Variants in HYAL4 observed in about 807,000 individuals in gnomAD.
The protein encoded by HYAL4 is hyaluronidase 4.
HYAL4 carries 37 observed loss-of-function variants against 35.2 expected under a neutral mutation model. That is an observed-to-expected ratio of 1.05 (90% CI 0.81 to 1.38). The LOEUF (loss-of-function observed/expected upper bound fraction) is 1.38. Among genes scored for constraint, HYAL4 ranks in the 40% most tolerant of loss-of-function variants. The pLI, the probability that HYAL4 is intolerant of heterozygous loss-of-function variation, is 0.00. For missense variants in HYAL4, 572 were observed against 572.4 expected (o/e 1.00, Z 0.01); for synonymous variants, 198 against 203.2 (o/e 0.97, Z 0.22).
rs746060778 is a variant in HYAL4, at chr7:123,869,242, G to T, written c.954+15G>T. 113 of 1,503,428 alleles carry T rather than the reference G, an allele frequency of 7.5e-5. No homozygotes were observed. Among genetic ancestry groups the T allele is most frequent in the Non-Finnish European group, 2.5e-5 (28 of 1,106,424 alleles). The allele number at this position is 1,503,428 out of a possible 1,614,324, so 93.1% of individuals were successfully genotyped here. ...TCCTTTCTAAGGTAAGAAGCTTCTT[G>T]TCCAATGGTGGGGGATTTCCTCCTT... On this transcript the variant is annotated intron_variant, in intron 3 of 4. Coordinates refer to ENST00000223026, the MANE Select transcript of HYAL4 (RefSeq NM_012269.3).
chr7:123,796,278 G>A, the HYAL4 span, among the ~76,000 whole-genome samples: 1 of 152,242 alleles, frequency 6.6e-6, no homozygotes, highest in Middle Eastern at 3.4e-3. Flanking sequence ...GGCCAAACCT[G>A]AGACAATTCC....
chr7:123,841,395 T>G (rs1806056548), upstream of HYAL4, among the ~76,000 whole-genome samples: 1 of 152,022 alleles, frequency 6.6e-6, no homozygotes, highest in African/African-American at 2.4e-5. Flanking sequence ...TTTGCCAGTA[T>G]TTTATTGAGG....
At position 123,854,612 on chromosome 7, in the gene HYAL4, G is replaced by A. The variant is rs371950363; in HGVS notation, c.-52+6454G>A. ...TGTTTCTTATGATTTATGTTCTTTT[G>A]CATTTGCTGAGGAATGTTTTACTTC... On this transcript the variant is annotated intron_variant, in intron 2 of 4. Coordinates refer to ENST00000223026, the MANE Select transcript of HYAL4 (RefSeq NM_012269.3). Among the ~76,000 whole-genome samples the A allele has an allele frequency of 3.9e-5, 6 of 152,126 alleles. No individual in the cohort carries two copies. In the East Asian group the frequency reaches 9.7e-4, roughly 25 times the overall value.
At chr7:123,853,754 G>A (rs1489333537) in intron 2 of HYAL4, among the ~76,000 whole-genome samples, 1 of 152,152 alleles carries the variant, frequency 6.6e-6, no homozygotes, top group Non-Finnish European at 1.5e-5. Context: ...AATGAGTTAG[G>A]GAGGATTCCC....
At chr7:123,836,096 G>A (rs940408340) in intron 1 of HYAL4, among the ~76,000 whole-genome samples, 3 of 152,032 alleles carry the variant, frequency 2.0e-5, no homozygotes, top group East Asian at 3.9e-4. Context: ...AAGTCCATTT[G>A]TTCCAAGGTA....
At chr7:123,768,111 G>C in the HYAL4 span, among the ~76,000 whole-genome samples, 4 of 152,092 alleles carry the variant, frequency 2.6e-5, no homozygotes, top group African/African-American at 9.7e-5. Flanking sequence ...AAAAATGTAA[G>C]ATTAAGATTA....
chr7:123,772,572 G>A, the HYAL4 span, among the ~76,000 whole-genome samples: 1 of 152,084 alleles, frequency 6.6e-6, no homozygotes, highest in Admixed American at 6.6e-5. Context: ...TAGACAAAAG[G>A]GTGCTTCATC....
At chr7:123,834,939 C>T (rs1805940682) in intron 1 of HYAL4, among the ~76,000 whole-genome samples, 1 of 152,144 alleles carries the variant, frequency 6.6e-6, no homozygotes. Context: ...CCCACTTGAT[C>T]ATGGTGGATT....
intron 3 of HYAL4, among the ~76,000 whole-genome samples, chr7:123,873,170 G>A (rs953725430): frequency 6.6e-6 from 1 of 152,100 alleles, no homozygotes; most frequent in African/African-American, 2.4e-5. Context: ...GTACTGCAGG[G>A]ATGGCTCCTC....
chr7:123,865,654 A>AT (rs1487238224), intron 2 of HYAL4, among the ~76,000 whole-genome samples: 2 of 152,104 alleles, frequency 1.3e-5, no homozygotes, highest in African/African-American at 4.8e-5. Flanking sequence ...ATTACTTAAA[A>AT]TTTTTTTACA....
chr7:123,827,270 T>G (rs558346816), upstream of HYAL4, among the ~76,000 whole-genome samples: 1 of 152,198 alleles, frequency 6.6e-6, no homozygotes, highest in African/African-American at 2.4e-5. Flanking sequence ...AGGTTGGGGA[T>G]AAAACAGGGA....
At chr7:123,876,357 C>T (rs944793889) in intron 4 of HYAL4, among the ~76,000 whole-genome samples, 2 of 152,228 alleles carry the variant, frequency 1.3e-5, no homozygotes, top group African/African-American at 4.8e-5. Flanking sequence ...GGCAGCAGTT[C>T]TGGTACATTC....
the HYAL4 span, among the ~76,000 whole-genome samples, chr7:123,790,916 C>G: frequency 6.6e-6 from 1 of 151,906 alleles, no homozygotes; most frequent in Admixed American, 6.6e-5. Flanking sequence ...AGGCACCCAC[C>G]ACCACACTCG....
exon 1 of HYAL4, chr7:123,828,987 C>T (rs1211768818): frequency 3.9e-5 from 6 of 152,688 alleles, no homozygotes; most frequent in South Asian, 4.1e-4. Flanking sequence ...GCAATCTATC[C>T]GAGGGCCTTT....
chr7:123,872,935 A>G (rs1356481335), intron 3 of HYAL4, among the ~76,000 whole-genome samples: 1 of 152,232 alleles, frequency 6.6e-6, no homozygotes, highest in African/African-American at 2.4e-5. Context: ...CTATAGACCA[A>G]TAATCTATAA....
the HYAL4 span, among the ~76,000 whole-genome samples, chr7:123,797,686 T>A: frequency 8.5e-5 from 13 of 152,346 alleles, no homozygotes; most frequent in South Asian, 1.0e-3. Flanking sequence ...TAAACTTTTT[T>A]AAATTACTAA....
the HYAL4 span, among the ~76,000 whole-genome samples, chr7:123,785,211 A>ACC: frequency 6.6e-6 from 1 of 151,994 alleles, no homozygotes; most frequent in African/African-American, 2.4e-5. The surrounding 1 kb of genome is among the most constrained non-coding windows in gnomAD (Gnocchi z 4.5). Context: ...TCAGCCTCCC[A>ACC]AGTAGCTGGG....
chr7:123,868,124 T>C (rs1584925282), intron 2 of HYAL4, 99 bp from the exon 3 acceptor site: 2 of 427,738 alleles, frequency 4.7e-6, no homozygotes, highest in Admixed American at 7.8e-5. Context: ...CTTTAAGTGA[T>C]ACACTTTACA....
chr7:123,792,641 A>T, the HYAL4 span, among the ~76,000 whole-genome samples: 1 of 152,052 alleles, frequency 6.6e-6, no homozygotes, highest in Non-Finnish European at 1.5e-5. Flanking sequence ...AGGTTTGCCC[A>T]CAATTTCCTT....
Sources: allele counts gnomAD v4.1 joint callset (sites outside exome capture counted in the v4.1 genomes callset), GRCh38; gene constraint gnomAD v4.1.1; non-coding constraint Gnocchi (gnomAD v3.1); transcripts MANE v1.5; gene names NCBI Gene and HGNC (gene_info 2026-07-23, HGNC 2026-07-21).